The following ADGRL3 variants were observed in gnomAD, a reference collection of about 807,000 sequenced individuals.
ADGRL3 encodes the protein calcium-independent alpha-latrotoxin receptor 3.
In ADGRL3, 62 loss-of-function variants were observed where a neutral mutation model predicts 153.5. The observed-to-expected ratio is 0.40, with a 90% CI of 0.33 to 0.50. ADGRL3 has a LOEUF of 0.50. Among genes scored for constraint, ADGRL3 ranks in the 20% least tolerant of loss-of-function variants. The pLI is 0.47. For synonymous variants in ADGRL3, 710 were observed against 672.5 expected, an observed-to-expected ratio of 1.06 and a Z score of -0.86; for missense variants, 1,641 against 1,859.4, an observed-to-expected ratio of 0.88 and a Z score of 2.16.
At chr4:61,733,889 T>A (rs1457334739) in intron 8 of ADGRL3, among the ~76,000 whole-genome samples, 1 of 152,180 alleles carries the variant, frequency 6.6e-6, no homozygotes, top group African/African-American at 2.4e-5. Context: ...AAACAGCCTG[T>A]CTAATTAATT....
At chr4:61,505,304 T>C (rs979156862) in intron 3 of ADGRL3, among the ~76,000 whole-genome samples, 5 of 152,208 alleles carry the variant, frequency 3.3e-5, no homozygotes, top group Non-Finnish European at 7.4e-5. Context: ...ATTGATTTTT[T>C]TCCTGTTGAG....
intron 6 of ADGRL3, among the ~76,000 whole-genome samples, chr4:61,689,335 C>T (rs1454134812): frequency 6.6e-6 from 1 of 152,092 alleles, no homozygotes; most frequent in Non-Finnish European, 1.5e-5. Context: ...TTCCATTCAA[C>T]AAATATTGGC....
chr4:61,339,791 G>A (rs1001460431), intron 1 of ADGRL3, among the ~76,000 whole-genome samples: 1 of 152,100 alleles, frequency 6.6e-6, no homozygotes, highest in Non-Finnish European at 1.5e-5. Flanking sequence ...TTTGGCAGTG[G>A]TTCTACATGG....
chr4:61,677,751 C>T (rs1272934211), intron 6 of ADGRL3, among the ~76,000 whole-genome samples: 1 of 151,920 alleles, frequency 6.6e-6, no homozygotes, highest in Non-Finnish European at 1.5e-5. Context: ...TTTCAACTTC[C>T]TTTGATGTTT....
chr4:61,627,255 A>G (rs913427309), intron 5 of ADGRL3, among the ~76,000 whole-genome samples: 2 of 152,126 alleles, frequency 1.3e-5, no homozygotes, highest in Non-Finnish European at 2.9e-5. Context: ...CAAAAAAAAT[A>G]AACTTACTTT....
chr4:61,971,748 G>A (rs1300412039), intron 17 of ADGRL3, among the ~76,000 whole-genome samples: 2 of 152,116 alleles, frequency 1.3e-5, no homozygotes, highest in Non-Finnish European at 2.9e-5. Context: ...CTTCCACAAT[G>A]GTTGAACTAG....
intron 25 of ADGRL3, 22 bp from the exon 26 acceptor site, chr4:62,068,144 T>G: frequency 6.5e-7 from 1 of 1,548,258 alleles, no homozygotes; most frequent in Non-Finnish European, 8.7e-7. Context: ...TTTTCTTTCC[T>G]TTTCTTCATG....
chr4:61,688,002 C>T (rs536006632), intron 6 of ADGRL3, among the ~76,000 whole-genome samples: 1 of 152,114 alleles, frequency 6.6e-6, no homozygotes, highest in African/African-American at 2.4e-5. Context: ...TTCCTAACTT[C>T]CAGAAACATA....
chr4:61,990,336 A>G (rs557931711), intron 19 of ADGRL3, among the ~76,000 whole-genome samples: 136 of 152,134 alleles, frequency 8.9e-4, no homozygotes, highest in African/African-American at 3.2e-3. Flanking sequence ...GAATAGGCGA[A>G]TCTTTAAAGA....
At position 61,399,991 on chromosome 4, in the gene ADGRL3, A is replaced by G. The variant is rs568716837; in HGVS notation, c.-174+16802A>G. Among the ~76,000 whole-genome samples, 47 of 151,914 alleles carry G rather than the reference A, an allele frequency of 3.1e-4. No homozygotes were observed. In the South Asian group the frequency reaches 9.7e-3, roughly 31 times the overall value. ...AGTACCAAGGCATATGATCAGTGCA[A>G]GTATACCCCTGAGACAATATAATTT... On this transcript the variant is annotated intron_variant, in intron 2 of 26. Coordinates refer to ENST00000683033, the MANE Select transcript of ADGRL3 (RefSeq NM_001387552.1).
At chr4:61,977,523 T>A (rs1359964550) in intron 17 of ADGRL3, among the ~76,000 whole-genome samples, 1 of 152,210 alleles carries the variant, frequency 6.6e-6, no homozygotes, top group East Asian at 1.9e-4. Flanking sequence ...TTTTCTTTCA[T>A]GACTTGAGCT....
intron 8 of ADGRL3, among the ~76,000 whole-genome samples, chr4:61,764,446 G>T (rs2096951270): frequency 7.8e-6 from 1 of 128,992 alleles, no homozygotes; most frequent in African/African-American, 4.0e-5. Context: ...GGGCAGGAGT[G>T]GGGGTCGCAA....
intron 2 of ADGRL3, among the ~76,000 whole-genome samples, chr4:61,422,527 T>A (rs1229652809): frequency 6.6e-6 from 1 of 152,176 alleles, no homozygotes; most frequent in Non-Finnish European, 1.5e-5. Context: ...CTTGGTTATA[T>A]TATTTACTAA....
chr4:61,954,159 A>G (rs1378029788), intron 17 of ADGRL3, among the ~76,000 whole-genome samples: 1 of 152,050 alleles, frequency 6.6e-6, no homozygotes, highest in Non-Finnish European at 1.5e-5. Context: ...TCTCTCATCT[A>G]AGTCTTCTCC....
chr4:61,293,921 G>A (rs1349700341), intron 1 of ADGRL3, among the ~76,000 whole-genome samples: 1 of 152,060 alleles, frequency 6.6e-6, no homozygotes, highest in African/African-American at 2.4e-5. Context: ...GGGTTTTAGG[G>A]ATAAAATAGG....
intron 1 of ADGRL3, among the ~76,000 whole-genome samples, chr4:61,357,397 A>G (rs1383044124): frequency 6.6e-6 from 1 of 152,146 alleles, no homozygotes; most frequent in Non-Finnish European, 1.5e-5. Flanking sequence ...CCACTGTCAT[A>G]TTAATGTATG....
At position 61,371,286 on chromosome 4, in the gene ADGRL3, G is replaced by C. The variant is rs1430493603; in HGVS notation, c.-239-11838G>C. ...GATCCTGTCATTATGATGTTAGCTG[G>C]TTATTTTGCTCGTTAGTTGATGCAG... is the stretch of plus-strand genomic sequence containing the variant. On this transcript the variant is annotated intron_variant, in intron 1 of 26. Coordinates refer to ENST00000683033, the MANE Select transcript of ADGRL3 (RefSeq NM_001387552.1). Among the ~76,000 whole-genome samples the C allele has an allele frequency of 2.7e-5, 4 of 150,738 alleles. No individual in the cohort carries two copies. In the East Asian group the frequency reaches 5.9e-4, roughly 22 times the overall value.
chr4:61,283,780 C>G (rs1269813805), intron 1 of ADGRL3, among the ~76,000 whole-genome samples: 1 of 151,940 alleles, frequency 6.6e-6, no homozygotes, highest in African/African-American at 2.4e-5. Flanking sequence ...TGGCTTCTTA[C>G]CCTGTTTGCA....
chr4:61,372,402 G>T (rs1578495975), intron 1 of ADGRL3, among the ~76,000 whole-genome samples: 1 of 151,746 alleles, frequency 6.6e-6, no homozygotes, highest in East Asian at 1.9e-4. Flanking sequence ...GTACAGATGG[G>T]TTTTTGGTGT....
Sources: allele counts gnomAD v4.1 joint callset (sites outside exome capture counted in the v4.1 genomes callset), GRCh38; gene constraint gnomAD v4.1.1; transcripts MANE v1.5; gene names NCBI Gene and HGNC (gene_info 2026-07-23, HGNC 2026-07-21).